The following SYTL3 variants were observed in gnomAD, a reference collection of about 807,000 sequenced individuals.
The protein encoded by SYTL3 is synaptotagmin-like protein 3.
Under a neutral mutation model 82.1 loss-of-function variants are expected in SYTL3, and 88 were observed. That is an observed-to-expected ratio of 1.07 (90% confidence interval 0.90 to 1.28). The LOEUF is 1.28. Ranked by LOEUF, SYTL3 falls within the 50% of genes most tolerant of loss-of-function variation. The pLI is 0.00. For synonymous variants in SYTL3, 311 were observed against 289.4 expected (o/e 1.07, Z -0.76); for missense variants, 831 against 757.6 (o/e 1.10, Z -1.14).
chr6:158,662,375 G>C (rs566523309), intron 3 of SYTL3, among the ~76,000 whole-genome samples: 5 of 152,206 alleles, frequency 3.3e-5, no homozygotes, highest in Non-Finnish European at 7.3e-5. Context: ...CTGAGCTTGT[G>C]GTGGTGCTGC....
chr6:158,707,226 G>A lies in SYTL3; in HGVS notation c.395-4G>A, dbSNP rs574189044. The A allele has an allele frequency of 7.2e-5, 116 of 1,613,610 alleles. 1 individual carries two copies. In the South Asian group the frequency reaches 8.3e-4, roughly 12 times the overall value. On this transcript the variant is annotated splice_region_variant and splice_polypyrimidine_tract_variant and intron_variant, in intron 6 of 17. Coordinates refer to ENST00000611299, the MANE Select transcript of SYTL3 (RefSeq NM_001242394.2). ...TAAACGCCCTCTATGGATATCTCTC[G>A]CAGGCAAACATGAGACAGTTGGAGG...
At chr6:158,706,630 AAC>A (rs1376946553) in intron 6 of SYTL3, among the ~76,000 whole-genome samples, 1 of 152,166 alleles carries the variant, frequency 6.6e-6, no homozygotes, top group Non-Finnish European at 1.5e-5. Flanking sequence ...TTGGCCAGGG[AAC>A]ACTGTGTTCA....
chr6:158,657,602 A>T (rs909981920), intron 2 of SYTL3, among the ~76,000 whole-genome samples: 1 of 152,190 alleles, frequency 6.6e-6, no homozygotes. Context: ...ACTCTGTCTC[A>T]AAAGAAAAGA....
intron 5 of SYTL3, 29 bp downstream of exon 5, chr6:158,665,642 C>A: frequency 1.3e-6 from 2 of 1,503,406 alleles, no homozygotes; most frequent in East Asian, 2.4e-5. Flanking sequence ...TGGATCCCTC[C>A]CACTGATTCA....
chr6:158,692,233 G>C (rs1337300382), intron 6 of SYTL3, among the ~76,000 whole-genome samples: 1 of 114,688 alleles, frequency 8.7e-6, no homozygotes, highest in Non-Finnish European at 1.6e-5. Context: ...ACTCCAGCCT[G>C]GGCGACAGAG....
chr6:158,736,329 C>T (rs934041383), intron 11 of SYTL3, among the ~76,000 whole-genome samples: 4 of 151,796 alleles, frequency 2.6e-5, no homozygotes, highest in African/African-American at 9.7e-5. Context: ...CCAGCCTGGG[C>T]GACAAAGCGA....
At chr6:158,758,833 GC>G (rs1040278580) in intron 14 of SYTL3, among the ~76,000 whole-genome samples, 1 of 152,096 alleles carries the variant, frequency 6.6e-6, no homozygotes, top group Non-Finnish European at 1.5e-5. Flanking sequence ...ACCAGAAGTG[GC>G]CTCCCTTCCA....
intron 12 of SYTL3, among the ~76,000 whole-genome samples, chr6:158,747,709 ACTCCTGGGCTCAAG>A (rs1426740322): frequency 6.6e-6 from 1 of 151,524 alleles, no homozygotes; most frequent in Non-Finnish European, 1.5e-5. Context: ...CTGGTCTCAA[ACTCCTGGGCTCAAG>A]CCATCCTCAC....
intron 2 of SYTL3, among the ~76,000 whole-genome samples, chr6:158,654,843 A>G (rs1463414751): frequency 6.6e-6 from 1 of 152,168 alleles, no homozygotes; most frequent in Non-Finnish European, 1.5e-5. Context: ...ACATGGCTGT[A>G]GGAGAATGTT....
chr6:158,675,063 A>G (rs944190787), intron 5 of SYTL3, among the ~76,000 whole-genome samples: 2 of 152,120 alleles, frequency 1.3e-5, no homozygotes, highest in Non-Finnish European at 2.9e-5. Context: ...TTAATTCAAC[A>G]TGGATTAAAG....
intron 5 of SYTL3, among the ~76,000 whole-genome samples, chr6:158,668,226 T>TTTTATTTATTTATTTATTTATTTATTTA (rs71030189): frequency 1.3e-5 from 2 of 150,778 alleles, no homozygotes; most frequent in Admixed American, 6.6e-5. Flanking sequence ...GGGCAGAGTC[T>TTTTATTTATTTATTTATTTATTTATTTA]TTTATTTATT....
At chr6:158,722,762 G>GTTTTTTTTTTTTTTTTTTTTTTTTTTT in intron 10 of SYTL3, among the ~76,000 whole-genome samples, 1 of 80,896 alleles carries the variant, frequency 1.2e-5, no homozygotes, top group Non-Finnish European at 2.3e-5. Context: ...TCTCTTTTCT[G>GTTTTTTTTTTTTTTTTTTTTTTTTTTT]TTTTTTTTTT....
In SYTL3 at chr6:158,743,598, C is replaced by CTTCTT. The variant is rs776111512; in HGVS notation, c.856-1880_856-1879insCTTTT. Among the ~76,000 whole-genome samples the CTTCTT allele has an allele frequency of 1.1e-4, 7 of 63,096 alleles. 1 individual carries two copies. Among genetic ancestry groups the CTTCTT allele is most frequent in the African/African-American group, 5.2e-4 (7 of 13,458 alleles). 41.4% of individuals were successfully genotyped at this position (63,096 alleles called of 152,430 possible). ...ACTCATGCTGGTGCACCAGTCCAAG[C>CTTCTT]TTTTTTTTTTTTTTTTTTTTTTTTT... On this transcript the variant is annotated intron_variant, in intron 11 of 17. Coordinates refer to ENST00000611299, the MANE Select transcript of SYTL3 (RefSeq NM_001242394.2).
intron 13 of SYTL3, among the ~76,000 whole-genome samples, chr6:158,752,686 G>T (rs1469052818): frequency 6.6e-6 from 1 of 152,204 alleles, no homozygotes; most frequent in Admixed American, 6.5e-5. Flanking sequence ...GCAGGGTGAG[G>T]GGGGTAGCCC....
chr6:158,730,253 A>T (rs1343512736), intron 11 of SYTL3, among the ~76,000 whole-genome samples: 2 of 152,246 alleles, frequency 1.3e-5, no homozygotes, highest in African/African-American at 4.8e-5. Context: ...GCTCCAGCCA[A>T]TGGAGACAAA....
chr6:158,752,093 A>G, intron 13 of SYTL3, 63 bp downstream of exon 13: 6 of 1,173,248 alleles, frequency 5.1e-6, no homozygotes, highest in Non-Finnish European at 7.1e-6. Context: ...CGCCTGGGGC[A>G]GAGTCCAGTG....
chr6:158,729,293 G>A (rs1166993863), intron 11 of SYTL3, among the ~76,000 whole-genome samples: 10 of 152,146 alleles, frequency 6.6e-5, no homozygotes, highest in Admixed American at 6.6e-4. Flanking sequence ...CAGGACTGGT[G>A]TCTAGTGGTC....
chr6:158,714,179 C>T (rs1325201786), intron 9 of SYTL3, among the ~76,000 whole-genome samples: 1 of 152,152 alleles, frequency 6.6e-6, no homozygotes, highest in African/African-American at 2.4e-5. Context: ...TGGTGAAACC[C>T]TGTCTCCACT....
At chr6:158,680,058 G>T (rs1778487057) in intron 5 of SYTL3, among the ~76,000 whole-genome samples, 1 of 152,192 alleles carries the variant, frequency 6.6e-6, no homozygotes, top group Non-Finnish European at 1.5e-5. Context: ...CGTTTATCAG[G>T]CGGGGGCCTT....
Sources: gnomAD v4.1 joint callset for allele counts (sites outside exome capture counted in the v4.1 genomes callset) on GRCh38, gnomAD v4.1.1 for gene constraint, MANE v1.5 for transcripts, NCBI Gene and HGNC (gene_info 2026-07-23, HGNC 2026-07-21) for gene names.